Variants in GRM1 observed in about 807,000 individuals in gnomAD.
GRM1 encodes metabotropic glutamate receptor 1.
Under a neutral mutation model 90.9 loss-of-function variants are expected in GRM1, and 33 were observed. That is an observed-to-expected ratio of 0.36 (90% CI 0.28 to 0.49). GRM1 has a LOEUF of 0.49. Ranked by LOEUF, GRM1 falls within the 20% of genes least tolerant of loss-of-function variation. The pLI, the probability that GRM1 is intolerant of heterozygous loss-of-function variation, is 0.99. For missense variants in GRM1, 1,190 were observed against 1,534.3 expected, an observed-to-expected ratio of 0.78 and a Z score of 3.75; for synonymous variants, 700 against 613.2, an observed-to-expected ratio of 1.14 and a Z score of -2.09.
chr6:146,165,152 A>G (rs1037046958), intron 2 of GRM1, among the ~76,000 whole-genome samples: 6 of 152,104 alleles, frequency 3.9e-5, no homozygotes, highest in African/African-American at 1.4e-4. Flanking sequence ...AACACATCAA[A>G]CACACGTGTA....
chr6:146,226,216 C>T (rs1400790677), intron 2 of GRM1, among the ~76,000 whole-genome samples: 1 of 152,104 alleles, frequency 6.6e-6, no homozygotes, highest in Non-Finnish European at 1.5e-5. Context: ...CTCCTTCTTT[C>T]CAGAGAGCAA....
intron 1 of GRM1, among the ~76,000 whole-genome samples, chr6:146,081,733 T>C (rs1215952201): frequency 6.6e-6 from 1 of 152,180 alleles, no homozygotes; most frequent in African/African-American, 2.4e-5. Context: ...CAGTGTATAA[T>C]AGGTGTTGTG....
rs371142790 is a variant in GRM1 at position 146,328,626 on chromosome 6, T to C, written c.1187-23624T>C. On this transcript the variant is annotated intron_variant, in intron 3 of 7. Transcript: ENST00000282753. ...AATGTACATATATTCAACACTATTTTACTTATCTAATCATGACATATGATC... is the reference window on the plus strand; with the variant it reads ...AATGTACATATATTCAACACTATTTCACTTATCTAATCATGACATATGATC... 1.4e-4 allele frequency among the ~76,000 whole-genome samples: 21 copies of C among 152,356 alleles called. 1 individual carries two copies. The highest frequency in any genetic ancestry group is 5.0e-4 in the African/African-American group (21 of 41,590).
intron 3 of GRM1, among the ~76,000 whole-genome samples, chr6:146,305,150 C>T (rs1028557668): frequency 6.6e-6 from 1 of 151,504 alleles, no homozygotes; most frequent in African/African-American, 2.4e-5. Context: ...TTATTACAAA[C>T]ATGTTTAGGA....
In GRM1 at chr6:146,434,424, T is replaced by A. The variant is rs1047006; in HGVS notation, c.3213T>A (p.Pro1071=). ...GLRSLYPPPP[P]PQHLQMLPLQ... ...GGTCCCTGTACCCGCCCCCGCCACCTCCGCAGCACCTGCAGATGCTGCCGC... is the reference window on the plus strand; with the variant it reads ...GGTCCCTGTACCCGCCCCCGCCACCACCGCAGCACCTGCAGATGCTGCCGC... Residue 1071 remains proline, a synonymous_variant, in exon 8 of 8, where the codon CCT becomes CCA. Transcript: ENST00000282753. The A allele has an allele frequency of 1.2e-6, 2 of 1,613,142 alleles. No individual in the cohort carries two copies. The highest frequency in any genetic ancestry group is 1.7e-5 in the Admixed American group (1 of 59,988).
chr6:146,395,777 A>G (rs1324545238), intron 6 of GRM1, among the ~76,000 whole-genome samples: 1 of 152,152 alleles, frequency 6.6e-6, no homozygotes, highest in East Asian at 1.9e-4. Flanking sequence ...TTCTGGTAAA[A>G]TCTCTGATGA....
chr6:146,082,100 G>A (rs1776382074), intron 1 of GRM1, among the ~76,000 whole-genome samples: 1 of 152,100 alleles, frequency 6.6e-6, no homozygotes, highest in Admixed American at 6.6e-5. Flanking sequence ...GGTAGGTGGA[G>A]TGGATCTCAA....
chr6:146,240,023 A>T (rs1289902072), intron 2 of GRM1, among the ~76,000 whole-genome samples: 1 of 152,132 alleles, frequency 6.6e-6, no homozygotes, highest in Non-Finnish European at 1.5e-5. Context: ...TAAAATGGAA[A>T]TAATACTTAC....
intron 2 of GRM1, among the ~76,000 whole-genome samples, chr6:146,244,545 CA>C (rs1780986561): frequency 6.6e-6 from 1 of 152,048 alleles, no homozygotes; most frequent in African/African-American, 2.4e-5. Context: ...TAAAAAGAAC[CA>C]AAAAGTTGTT....
intron 4 of GRM1, among the ~76,000 whole-genome samples, chr6:146,353,513 C>T (rs1785476169): frequency 6.6e-6 from 1 of 152,210 alleles, no homozygotes; most frequent in Non-Finnish European, 1.5e-5. Flanking sequence ...AAGGAACTCA[C>T]CTAATGTCCA....
intron 2 of GRM1, among the ~76,000 whole-genome samples, chr6:146,241,160 G>A (rs768522248): frequency 6.6e-6 from 1 of 152,160 alleles, no homozygotes; most frequent in Non-Finnish European, 1.5e-5. Flanking sequence ...TTACACGATT[G>A]AGATTTTTGA....
At chr6:146,108,692 CA>C (rs1239614914) in intron 1 of GRM1, among the ~76,000 whole-genome samples, 1 of 152,114 alleles carries the variant, frequency 6.6e-6, no homozygotes, top group Non-Finnish European at 1.5e-5. Context: ...GGGTAACAGG[CA>C]AAGGTTGGGA....
intron 7 of GRM1, among the ~76,000 whole-genome samples, chr6:146,423,276 TTC>T (rs1778068443): frequency 6.6e-6 from 1 of 152,232 alleles, no homozygotes; most frequent in Non-Finnish European, 1.5e-5. Flanking sequence ...GTCAACCTCT[TTC>T]TCTCAGTTTT....
At chr6:146,298,958 A>C (rs778648032) in intron 2 of GRM1, among the ~76,000 whole-genome samples, 1 of 152,230 alleles carries the variant, frequency 6.6e-6, no homozygotes, top group Non-Finnish European at 1.5e-5. Flanking sequence ...CTTTCTTCTG[A>C]TTAACGTAAA....
At chr6:146,205,914 G>T (rs912755065) in intron 2 of GRM1, among the ~76,000 whole-genome samples, 1 of 152,172 alleles carries the variant, frequency 6.6e-6, no homozygotes, top group African/African-American at 2.4e-5. Context: ...GTCACAGGCA[G>T]GCTCTCCCAG....
rs148779268 is a variant in GRM1 at position 146,050,106 on chromosome 6, C to T, written c.700+19889C>T. Among the ~76,000 whole-genome samples the T allele has an allele frequency of 6.6e-4, 100 of 151,928 alleles. No homozygotes were observed. In the East Asian group the frequency reaches 7.4e-3, roughly 11 times the overall value. On this transcript the variant is annotated intron_variant, in intron 1 of 7. Coordinates refer to ENST00000282753, the MANE Select transcript of GRM1 (RefSeq NM_001278064.2). Reference sequence around the variant, plus strand: ...AGTGAGTAAGGAAAATGTAAATAACCGGTGCAAAGACTGTATTACCATGAG... The same window carrying T: ...AGTGAGTAAGGAAAATGTAAATAACTGGTGCAAAGACTGTATTACCATGAG...
intron 7 of GRM1, among the ~76,000 whole-genome samples, chr6:146,431,807 A>C (rs1202769029): frequency 6.6e-6 from 1 of 152,240 alleles, no homozygotes; most frequent in African/African-American, 2.4e-5. Flanking sequence ...TAAGGAGGGT[A>C]AGAGGCAAAT....
intron 1 of GRM1, among the ~76,000 whole-genome samples, chr6:146,100,470 G>T (rs901393458): frequency 6.6e-6 from 1 of 151,830 alleles, no homozygotes; most frequent in African/African-American, 2.4e-5. Flanking sequence ...TTTATATATG[G>T]ATACCCATTA....
intron 1 of GRM1, among the ~76,000 whole-genome samples, chr6:146,124,842 G>T (rs751197715): frequency 1.3e-5 from 2 of 152,146 alleles, no homozygotes; most frequent in Non-Finnish European, 2.9e-5. Context: ...CACTTCTGCA[G>T]GTTGACATTA....
Sources: gnomAD v4.1 joint callset for allele counts (sites outside exome capture counted in the v4.1 genomes callset) on GRCh38, gnomAD v4.1.1 for gene constraint, MANE v1.5 for transcripts, NCBI Gene and HGNC (gene_info 2026-07-23, HGNC 2026-07-21) for gene names.